The following VAV3 variants were observed in gnomAD, a reference collection of about 807,000 sequenced individuals.
The protein encoded by VAV3 is vav guanine nucleotide exchange factor 3, also known as guanine nucleotide exchange factor VAV3.
Under a neutral mutation model 131.2 loss-of-function variants are expected in VAV3, and 94 were observed. The ratio of observed to expected loss-of-function variants is 0.72; its 90% confidence interval spans 0.61 to 0.85. The LOEUF is 0.85. Among genes scored for constraint, VAV3 ranks in the 40% least tolerant of loss-of-function variants. The pLI, the probability that VAV3 is intolerant of heterozygous loss-of-function variation, is 0.00. For missense variants in VAV3, 939 were observed against 1,002.7 expected (o/e 0.94, Z 0.86); for synonymous variants, 349 against 342.0 (o/e 1.02, Z -0.22).
At chr1:107,599,235 TC>T (rs1173382686) in intron 24 of VAV3, among the ~76,000 whole-genome samples, 4 of 152,194 alleles carry the variant, frequency 2.6e-5, no homozygotes, top group African/African-American at 9.7e-5. Flanking sequence ...CGAGGGTAAA[TC>T]TTCCTACATG....
intron 2 of VAV3, among the ~76,000 whole-genome samples, chr1:107,808,428 T>A (rs1667164251): frequency 6.6e-6 from 1 of 152,154 alleles, no homozygotes; most frequent in African/African-American, 2.4e-5. Context: ...ACTCCAAACA[T>A]CATTTTCTTA....
chr1:107,704,864 C>T, intron 16 of VAV3, 96 bp downstream of exon 16: 2 of 1,315,440 alleles, frequency 1.5e-6, no homozygotes, highest in Non-Finnish European at 2.1e-6. Flanking sequence ...AAATTCCCCA[C>T]TTTAGAACCT....
At chr1:107,762,356 G>A (rs1206165923) in intron 9 of VAV3, among the ~76,000 whole-genome samples, 1 of 152,132 alleles carries the variant, frequency 6.6e-6, no homozygotes, top group African/African-American at 2.4e-5. Flanking sequence ...TAACTCTAAT[G>A]ATCCGTGACT....
intron 25 of VAV3, among the ~76,000 whole-genome samples, chr1:107,582,536 A>G (rs946937362): frequency 3.3e-5 from 5 of 149,958 alleles, no homozygotes; most frequent in African/African-American, 1.2e-4. Context: ...AGCATTAGGT[A>G]TATCTCCCAA....
At chr1:107,661,425 A>T (rs1281827522) in intron 19 of VAV3, among the ~76,000 whole-genome samples, 1 of 152,064 alleles carries the variant, frequency 6.6e-6, no homozygotes, top group Non-Finnish European at 1.5e-5. Flanking sequence ...TGTCTTCGCA[A>T]CCCTCCCAGG....
At chr1:107,731,054 A>G (rs1047044394) in intron 15 of VAV3, among the ~76,000 whole-genome samples, 1 of 152,216 alleles carries the variant, frequency 6.6e-6, no homozygotes, top group Non-Finnish European at 1.5e-5. Flanking sequence ...AATGCTTTGG[A>G]AACTACTTGT....
intron 15 of VAV3, among the ~76,000 whole-genome samples, chr1:107,733,325 C>A (rs1023535070): frequency 9.9e-5 from 15 of 152,198 alleles, no homozygotes; most frequent in African/African-American, 3.6e-4. Flanking sequence ...ACCAGAGGGC[C>A]TCTTCTCCTC....
intron 1 of VAV3, among the ~76,000 whole-genome samples, chr1:107,920,187 T>C (rs1021974307): frequency 1.3e-5 from 2 of 152,228 alleles, no homozygotes; most frequent in East Asian, 3.8e-4. Flanking sequence ...CATAATGCTC[T>C]GCTGAACTAG....
intron 15 of VAV3, among the ~76,000 whole-genome samples, chr1:107,722,843 T>C (rs112570449): frequency 6.7e-6 from 1 of 149,320 alleles, no homozygotes; most frequent in East Asian, 2.0e-4. Flanking sequence ...ATCCTCTCTT[T>C]TTTTTTTTTT....
chr1:107,920,065 T>C (rs771237665), intron 1 of VAV3, among the ~76,000 whole-genome samples: 17 of 152,208 alleles, frequency 1.1e-4, no homozygotes, highest in Non-Finnish European at 1.6e-4. Context: ...ACAGAAGCAG[T>C]TGAAATATCT....
intron 21 of VAV3, among the ~76,000 whole-genome samples, chr1:107,612,089 T>A (rs1324459662): frequency 2.6e-5 from 4 of 151,974 alleles, no homozygotes; most frequent in Non-Finnish European, 2.9e-5. Context: ...ATGTAGTTTT[T>A]AAAAAACATT....
intron 4 of VAV3, among the ~76,000 whole-genome samples, chr1:107,773,982 C>A (rs376317574): frequency 6.6e-6 from 1 of 152,132 alleles, no homozygotes; most frequent in East Asian, 1.9e-4. Flanking sequence ...AAAAAGTCAA[C>A]CTTGCTGAAG....
At chr1:107,756,770 C>T (rs951454415) in intron 11 of VAV3, among the ~76,000 whole-genome samples, 1 of 151,924 alleles carries the variant, frequency 6.6e-6, no homozygotes, top group Admixed American at 6.6e-5. Flanking sequence ...TTGTATGAAG[C>T]CATAGCATCC....
intron 17 of VAV3, among the ~76,000 whole-genome samples, chr1:107,694,317 G>A (rs1659617861): frequency 1.3e-5 from 2 of 152,174 alleles, no homozygotes; most frequent in Non-Finnish European, 2.9e-5. Flanking sequence ...GTTTCAGGCA[G>A]AGGAAATAGT....
chr1:107,933,290 T>A (rs953047367), intron 1 of VAV3, among the ~76,000 whole-genome samples: 8 of 151,890 alleles, frequency 5.3e-5, no homozygotes, highest in Non-Finnish European at 1.0e-4. Flanking sequence ...TTGTGTTTTT[T>A]TTTTTCCAGT....
At chr1:107,907,601 A>G (rs1290204173) in intron 1 of VAV3, among the ~76,000 whole-genome samples, 3 of 152,112 alleles carry the variant, frequency 2.0e-5, no homozygotes, top group Non-Finnish European at 4.4e-5. Flanking sequence ...TGGATTCATT[A>G]CCACGACAGT....
At chr1:107,777,198 G>A (rs373492477) in intron 4 of VAV3, 33 bp downstream of exon 4, 5 of 1,593,116 alleles carry the variant, frequency 3.1e-6, no homozygotes, top group Non-Finnish European at 4.3e-6. Flanking sequence ...TAAATTGGCA[G>A]TGGCTAAATT....
At chr1:107,794,184 G>C (rs1666432715) in intron 2 of VAV3, among the ~76,000 whole-genome samples, 1 of 152,236 alleles carries the variant, frequency 6.6e-6, no homozygotes. Context: ...ACATCAAGTT[G>C]GCTGCCCTGA....
chr1:107,749,732 G>T, intron 13 of VAV3, 138 bp from the exon 14 acceptor site: 1 of 926,174 alleles, frequency 1.1e-6, no homozygotes, highest in African/African-American at 1.7e-5. Context: ...AAAACAACGG[G>T]GTATTTGAGG....
Sources: gnomAD v4.1 joint callset for allele counts (sites outside exome capture counted in the v4.1 genomes callset) on GRCh38, gnomAD v4.1.1 for gene constraint, MANE v1.5 for transcripts, NCBI Gene and HGNC (gene_info 2026-07-23, HGNC 2026-07-21) for gene names.